MGST1: variants seen among roughly 807,000 people sequenced by gnomAD.
MGST1 encodes the protein microsomal glutathione S-transferase 1, also known as glutathione S-transferase 12.
In MGST1, 5 loss-of-function variants were observed where a neutral mutation model predicts 8.9. The ratio of observed to expected loss-of-function variants is 0.56; its 90% confidence interval spans 0.29 to 1.19. MGST1 has a LOEUF of 1.19. Ranked by LOEUF, MGST1 falls within the 50% of genes most tolerant of loss-of-function variation. The pLI is 0.08. For missense variants in MGST1, 182 were observed against 187.4 expected (o/e 0.97, Z 0.17); for synonymous variants, 54 against 67.8 (o/e 0.80, Z 1.00).
chr12:16,401,174 C>G lies in MGST1; in HGVS notation n.778+17570C>G. On this transcript the variant is annotated intron_variant and non_coding_transcript_variant, in intron 1 of 1. Transcript: ENST00000359720. The surrounding 1 kb of genome is among the most constrained non-coding windows in gnomAD (Gnocchi z 4.3). ...ACTTTCTTCTTCACAGAAGTGAGAACAGTAGCTGGGCCATCCTCATCCATA... is the reference window on the plus strand; with the variant it reads ...ACTTTCTTCTTCACAGAAGTGAGAAGAGTAGCTGGGCCATCCTCATCCATA... 6.4e-7 allele frequency: 1 copy of G among 1,558,726 alleles called. No homozygotes were observed. Among genetic ancestry groups the G allele is most frequent in the South Asian group, 1.1e-5 (1 of 89,906 alleles).
chr12:16,566,040 A>G (rs1942598047), intron 4 of MGST1, among the ~76,000 whole-genome samples: 1 of 106,806 alleles, frequency 9.4e-6, no homozygotes, highest in South Asian at 3.2e-4. Context: ...ATATATATAT[A>G]AAATGGAGTA....
At chr12:16,443,460 T>A (rs1404662073), downstream of MGST1, among the ~76,000 whole-genome samples, 4 of 151,764 alleles carry the variant, frequency 2.6e-5, no homozygotes, top group Non-Finnish European at 5.9e-5. Context: ...GTAAAATATT[T>A]TTGTTCTTTA....
At chr12:16,426,723 G>A (rs568826597) in intron 1 of MGST1, among the ~76,000 whole-genome samples, 4 of 152,106 alleles carry the variant, frequency 2.6e-5, no homozygotes, top group African/African-American at 7.2e-5. Context: ...AGGCCGAGGC[G>A]GGCGGATCAC....
At chr12:16,359,410 T>C (rs1939885596) in intron 3 of MGST1, among the ~76,000 whole-genome samples, 1 of 152,244 alleles carries the variant, frequency 6.6e-6, no homozygotes, top group African/African-American at 2.4e-5. Context: ...TCTGTGCAGA[T>C]ACTTAGCACA....
In MGST1 at chr12:16,486,303, TG is replaced by T. The variant is rs1448081224; in HGVS notation, n.482+102700del. On this transcript the variant is annotated intron_variant and non_coding_transcript_variant, in intron 4 of 4. Coordinates refer to the MGST1 transcript ENST00000538857. ...TCAGCTAAGGGAGTTTTAAACTTTT[TG>T]CCTGAAGCACCTAGAAGAATGCTCA... Among the ~76,000 whole-genome samples, 4 of 152,340 alleles carry T rather than the reference TG, an allele frequency of 2.6e-5. No homozygotes were observed. The East Asian group carries it at 7.7e-4, about 29-fold the overall frequency.
intron 3 of MGST1, among the ~76,000 whole-genome samples, chr12:16,372,015 C>T (rs1388271269): frequency 6.6e-6 from 1 of 151,546 alleles, no homozygotes; most frequent in African/African-American, 2.4e-5. Flanking sequence ...CTATCTCTTG[C>T]CATATACAAA....
intron 1 of MGST1, among the ~76,000 whole-genome samples, chr12:16,432,702 ACACACAC>A (rs1940949053): frequency 4.2e-5 from 6 of 143,928 alleles, no homozygotes; most frequent in African/African-American, 1.5e-4. Context: ...ACACACACAC[ACACACAC>A]ACACACACAC....
chr12:16,533,810 G>A (rs956292882), intron 4 of MGST1, among the ~76,000 whole-genome samples: 2 of 152,056 alleles, frequency 1.3e-5, no homozygotes, highest in Non-Finnish European at 2.9e-5. Flanking sequence ...TATCTAACTC[G>A]GGCTTGCAGG....
Position 16,517,908 on chromosome 12 carries a change from A to AT in MGST1, n.483-71616dup, listed in dbSNP as rs1487436846. On this transcript the variant is annotated intron_variant and non_coding_transcript_variant, in intron 4 of 4. Coordinates refer to the MGST1 transcript ENST00000538857. This position sits in a 1 kb window ranked among gnomAD's most constrained non-coding sequence, Gnocchi z 4.2. Reference sequence around the variant, plus strand: ...TGTACATTTAGCCTTAAAGAGATGCATTTTCATTTGATGTGATAAAACAAT... The same window carrying AT: ...TGTACATTTAGCCTTAAAGAGATGCATTTTTCATTTGATGTGATAAAACAAT... 6.6e-6 allele frequency among the ~76,000 whole-genome samples: 1 copy of AT among 152,146 alleles called. No homozygotes were observed. Among genetic ancestry groups the AT allele is most frequent in the Admixed American group, 6.5e-5 (1 of 15,276 alleles).
rs1940731934 is a variant in MGST1 at position 16,410,338 on chromosome 12, C to G, written n.778+26734C>G. On this transcript the variant is annotated intron_variant and non_coding_transcript_variant, in intron 1 of 1. Transcript: ENST00000359720. This position sits in a 1 kb window ranked among gnomAD's most constrained non-coding sequence, Gnocchi z 4.4. ...TCCTGCTTATATACCTCCTAAGCAT[C>G]TCTGAAATACACTTAACTCTTCCTG... 6.6e-6 allele frequency among the ~76,000 whole-genome samples: 1 copy of G among 152,036 alleles called. No homozygotes were observed. Among genetic ancestry groups the G allele is most frequent in the South Asian group, 2.1e-4 (1 of 4,822 alleles).
chr12:16,489,049 G>A (rs1372572557), intron 4 of MGST1, among the ~76,000 whole-genome samples: 1 of 152,100 alleles, frequency 6.6e-6, no homozygotes, highest in African/African-American at 2.4e-5. Context: ...GTCTGAGGCT[G>A]CAGTGAGCTA....
At chr12:16,447,790 G>T (rs1941092359) in intron 4 of MGST1, among the ~76,000 whole-genome samples, 1 of 151,972 alleles carries the variant, frequency 6.6e-6, no homozygotes, top group African/African-American at 2.4e-5. Context: ...TTCATGGGCT[G>T]TAGGCCTCAG....
chr12:16,480,142 C>CTTTTTT (rs57998683), intron 4 of MGST1, among the ~76,000 whole-genome samples: 1 of 129,940 alleles, frequency 7.7e-6, no homozygotes, highest in African/African-American at 2.8e-5. Context: ...TAAAAATTTG[C>CTTTTTT]TTTTTTTTTT....
chr12:16,372,991 A>G (rs1940321684), intron 3 of MGST1, among the ~76,000 whole-genome samples: 1 of 129,264 alleles, frequency 7.7e-6, no homozygotes, highest in South Asian at 2.5e-4. Flanking sequence ...ATAATATAGT[A>G]TATATTATAT....
downstream of MGST1, among the ~76,000 whole-genome samples, chr12:16,440,600 T>G (rs1000993160): frequency 6.6e-5 from 10 of 151,816 alleles, no homozygotes; most frequent in African/African-American, 2.4e-4. Context: ...CATTCTGGTG[T>G]GGAATTCCAT....
intron 4 of MGST1, among the ~76,000 whole-genome samples, chr12:16,446,206 A>G (rs1279672588): frequency 6.6e-6 from 1 of 151,960 alleles, no homozygotes; most frequent in Admixed American, 6.6e-5. Context: ...ACCAATAGCA[A>G]TATCTGGATA....
In MGST1 at chr12:16,586,120, C is replaced by T. The variant is rs1943311394; in HGVS notation, n.483-3408C>T. 6.6e-6 allele frequency among the ~76,000 whole-genome samples: 1 copy of T among 152,074 alleles called. No homozygotes were observed. Among genetic ancestry groups the T allele is most frequent in the South Asian group, 2.1e-4 (1 of 4,826 alleles). On this transcript the variant is annotated intron_variant and non_coding_transcript_variant, in intron 4 of 4. Transcript: ENST00000538857. The surrounding 1 kb of genome is among the most constrained non-coding windows in gnomAD (Gnocchi z 4.3). Reference sequence around the variant, plus strand: ...GGGCCAAAACAATAGGGGTCAAGATCAAAGACACAGGGAAGGATAAATTAA... The same window carrying T: ...GGGCCAAAACAATAGGGGTCAAGATTAAAGACACAGGGAAGGATAAATTAA...
At chr12:16,423,059 C>G (rs1940852126) in intron 1 of MGST1, among the ~76,000 whole-genome samples, 1 of 152,218 alleles carries the variant, frequency 6.6e-6, no homozygotes, top group Non-Finnish European at 1.5e-5. Context: ...CTAAGGAAGA[C>G]TGCTGAGCTC....
chr12:16,475,006 G>A (rs1243099566), intron 4 of MGST1, among the ~76,000 whole-genome samples: 2 of 152,174 alleles, frequency 1.3e-5, no homozygotes, highest in African/African-American at 4.8e-5. Context: ...ATGTGAACAG[G>A]CATCTCAGGG....
Sources: allele counts gnomAD v4.1 joint callset (sites outside exome capture counted in the v4.1 genomes callset), GRCh38; gene constraint gnomAD v4.1.1; non-coding constraint Gnocchi (gnomAD v3.1); transcripts MANE v1.5; gene names NCBI Gene and HGNC (gene_info 2026-07-23, HGNC 2026-07-21).